DDC: variants seen among roughly 807,000 people sequenced by gnomAD.
The protein encoded by DDC is dopa decarboxylase.
In DDC, 43 loss-of-function variants were observed where a neutral mutation model predicts 60.0. That is an observed-to-expected ratio of 0.72 (90% CI 0.56 to 0.92). DDC has a LOEUF of 0.92. DDC is among the 40% of genes least tolerant of loss of function. The pLI, the probability that DDC is intolerant of heterozygous loss-of-function variation, is 0.00. For synonymous variants in DDC, 232 were observed against 234.6 expected, an observed-to-expected ratio of 0.99 and a Z score of 0.10; for missense variants, 573 against 620.2, an observed-to-expected ratio of 0.92 and a Z score of 0.81.
At chr7:50,499,705 C>T (rs1022676266) in intron 7 of DDC, among the ~76,000 whole-genome samples, 1 of 152,202 alleles carries the variant, frequency 6.6e-6, no homozygotes, top group Admixed American at 6.5e-5. Flanking sequence ...TCCATCCCCA[C>T]CACCAGGTGA....
At chr7:50,555,534 C>T (rs2045153980) in intron 1 of DDC, among the ~76,000 whole-genome samples, 1 of 151,938 alleles carries the variant, frequency 6.6e-6, no homozygotes, top group African/African-American at 2.4e-5. Context: ...GCCAGGGCAC[C>T]ACACACACAC....
In DDC at chr7:50,528,194, C is replaced by G. The variant is rs1262172516; in HGVS notation, c.657G>C (p.Ala219=). 8 of 1,613,998 alleles carry G rather than the reference C, an allele frequency of 5.0e-6. No individual in the cohort carries two copies. Among genetic ancestry groups the G allele is most frequent in the East Asian group, 4.5e-5 (2 of 44,876 alleles). ...TCTCCAGGGCTTCCTGCAGGGCAGA[C>G]GCACGCATGGCGAAGTTGCCATCTG... ...IPSDGNFAMR[A]SALQEALERD... is the part of the protein sequence containing the mutation. The change falls in exon 6 of 15, where the codon GCG becomes GCC. Residue 219 remains alanine (A), a synonymous_variant. Transcript: ENST00000444124.
intron 6 of DDC, among the ~76,000 whole-genome samples, chr7:50,510,056 C>T (rs973974990): frequency 7.9e-5 from 12 of 152,042 alleles, no homozygotes; most frequent in South Asian, 2.1e-4. Flanking sequence ...CTGCAAGCTC[C>T]GCCTCCCGGG....
chr7:50,480,020 G>T (rs1371864400), intron 9 of DDC, 157 bp from the exon 10 acceptor site: 2 of 667,750 alleles, frequency 3.0e-6, no homozygotes, highest in South Asian at 1.6e-5. Flanking sequence ...CAAGTACCTG[G>T]GGAGGGCGTC....
At chr7:50,477,580 C>T in intron 10 of DDC, 1 of 456,104 alleles carries the variant, frequency 2.2e-6, no homozygotes, top group East Asian at 7.0e-5. Context: ...GGAGTGCCTA[C>T]ATTGTATTTA....
chr7:50,542,111 G>GA (rs1462502692), intron 2 of DDC: 1 of 152,000 alleles, frequency 6.6e-6, no homozygotes, highest in Non-Finnish European at 1.5e-5. Flanking sequence ...GTTAGGGGCT[G>GA]AAAAAATGCT....
chr7:50,504,627 A>C (rs2043342971), intron 6 of DDC, among the ~76,000 whole-genome samples: 1 of 151,926 alleles, frequency 6.6e-6, no homozygotes, highest in African/African-American at 2.4e-5. Flanking sequence ...ATATATACAT[A>C]TATAGAGAAT....
Position 50,463,212 on chromosome 7 carries a change from C to T in DDC, c.*18+1G>A, listed in dbSNP as rs2042321383. On this transcript the variant is annotated splice_donor_variant, in intron 14 of 14. Transcript: ENST00000444124. LOFTEE classifies it low-confidence loss of function (3UTR_SPLICE). Reference sequence around the variant, plus strand: ...CAGAAAATGAGCCCAGGGCAGCCTACCTGCAGCTGGCTTCACTCCTACTCC... The same window carrying T: ...CAGAAAATGAGCCCAGGGCAGCCTATCTGCAGCTGGCTTCACTCCTACTCC... 1.3e-6 allele frequency: 2 copies of T among 1,596,886 alleles called. No homozygotes were observed. Among genetic ancestry groups the T allele is most frequent in the Non-Finnish European group, 1.7e-6 (2 of 1,171,800 alleles).
rs138828136 is a variant in DDC, at chr7:50,544,067, G to C, written c.19C>G (p.Arg7Gly). Residue 7 changes from arginine to glycine, a missense_variant, in exon 2 of 15, where the codon CGA becomes GGA. Physicochemically the swap from Arg to Gly is moderately radical, Grantham distance 125. Transcript: ENST00000444124. ...TCCACCATCTCCTTCCCTCTCCTTCGGAATTCACTTGCGTTCATGGTGTCT... is the reference window on the plus strand; with the variant it reads ...TCCACCATCTCCTTCCCTCTCCTTCCGAATTCACTTGCGTTCATGGTGTCT... MNASEF[R>G]RRGKEMVDYM... 1.2e-6 allele frequency: 2 copies of C among 1,613,914 alleles called. No individual in the cohort carries two copies. The highest frequency in any genetic ancestry group is 1.1e-5 in the South Asian group (1 of 91,074).
chr7:50,525,619 C>A (rs986453340), intron 6 of DDC, among the ~76,000 whole-genome samples: 1 of 151,904 alleles, frequency 6.6e-6, no homozygotes, highest in African/African-American at 2.4e-5. Context: ...CAAAAATTAG[C>A]CAGGCGTGGT....
intron 9 of DDC, among the ~76,000 whole-genome samples, chr7:50,494,513 A>G (rs1484025212): frequency 1.3e-5 from 2 of 151,838 alleles, no homozygotes; most frequent in African/African-American, 4.8e-5. Flanking sequence ...CAAAAAAAAG[A>G]AAGAAAGAAA....
At chr7:50,480,285 G>T (rs1300819131) in intron 9 of DDC, among the ~76,000 whole-genome samples, 1 of 152,200 alleles carries the variant, frequency 6.6e-6, no homozygotes, top group Non-Finnish European at 1.5e-5. Context: ...GAGAGCTCTG[G>T]GTTGGTAAAT....
intron 8 of DDC, among the ~76,000 whole-genome samples, chr7:50,495,782 A>G (rs1175665987): frequency 1.3e-5 from 2 of 152,254 alleles, no homozygotes; most frequent in African/African-American, 4.8e-5. Context: ...AATGTGACAT[A>G]AAATGTATCC....
intron 13 of DDC, 68 bp downstream of exon 13, chr7:50,467,141 TGGAGG>T (rs1399333621): frequency 7.6e-7 from 1 of 1,309,486 alleles, no homozygotes; most frequent in Non-Finnish European, 1.1e-6. Context: ...TGTTTGAGCA[TGGAGG>T]TAATGAACAA....
intron 1 of DDC, among the ~76,000 whole-genome samples, chr7:50,552,831 C>A (rs1033970994): frequency 1.3e-5 from 2 of 152,204 alleles, no homozygotes; most frequent in Admixed American, 6.5e-5. Context: ...CAATTCAAAT[C>A]ACCAGCCCCT....
At chr7:50,555,850 C>T (rs2045167410) in intron 1 of DDC, among the ~76,000 whole-genome samples, 1 of 152,210 alleles carries the variant, frequency 6.6e-6, no homozygotes, top group Admixed American at 6.5e-5. Context: ...TGAATTCCTG[C>T]AGTCTGGCTC....
intron 6 of DDC, among the ~76,000 whole-genome samples, chr7:50,527,264 T>C (rs2044064636): frequency 6.6e-6 from 1 of 152,224 alleles, no homozygotes; most frequent in Non-Finnish European, 1.5e-5. Flanking sequence ...TTCATGAGTT[T>C]TGAAATTTTT....
At chr7:50,496,859 G>A (rs2043138370) in intron 8 of DDC, among the ~76,000 whole-genome samples, 1 of 152,140 alleles carries the variant, frequency 6.6e-6, no homozygotes, top group Admixed American at 6.5e-5. Flanking sequence ...TGAGGGACCT[G>A]GGGGGCGTCC....
At chr7:50,460,752 C>G (rs866795474) in intron 14 of DDC, among the ~76,000 whole-genome samples, 40 of 151,656 alleles carry the variant, frequency 2.6e-4, no homozygotes, top group South Asian at 4.1e-4. Context: ...GACCCTACCC[C>G]CAACCCTGTG....
Sources: gnomAD v4.1 joint callset for allele counts (sites outside exome capture counted in the v4.1 genomes callset) on GRCh38, gnomAD v4.1.1 for gene constraint, MANE v1.5 for transcripts, NCBI Gene and HGNC (gene_info 2026-07-23, HGNC 2026-07-21) for gene names.